Variants in ODAD2 observed in about 807,000 individuals in gnomAD.
ODAD2 encodes outer dynein arm-docking complex subunit 2.
Under a neutral mutation model 106.8 loss-of-function variants are expected in ODAD2, and 89 were observed. The observed-to-expected ratio is 0.83, with a 90% CI of 0.70 to 0.99. The LOEUF is 0.99. Ranked by LOEUF, ODAD2 falls within the 50% of genes least tolerant of loss-of-function variation. The probability of loss-of-function intolerance (pLI) is 0.00; values close to 1 mark genes in which losing one functional copy is unlikely to be tolerated. For missense variants in ODAD2, 1,168 were observed against 1,238.5 expected (o/e 0.94, Z 0.85); for synonymous variants, 404 against 436.2 (o/e 0.93, Z 0.92).
At chr10:27,998,642 G>T (rs71489606) in intron 1 of ODAD2, among the ~76,000 whole-genome samples, 3,406 of 152,052 alleles carry the variant, frequency 0.022, 65 homozygotes, top group Non-Finnish European at 0.03. Context: ...ATGGGGCTGG[G>T]AGAGAGAAGG....
chr10:27,962,400 T>C (rs994732814), intron 9 of ODAD2, among the ~76,000 whole-genome samples: 2 of 152,222 alleles, frequency 1.3e-5, no homozygotes, highest in Non-Finnish European at 2.9e-5. Context: ...ATATTGACTA[T>C]TTCTATTATT....
intron 12 of ODAD2, 93 bp downstream of exon 12, chr10:27,944,129 A>G: frequency 9.2e-7 from 1 of 1,088,526 alleles, no homozygotes; most frequent in South Asian, 1.4e-5. Flanking sequence ...TCTCATGGCT[A>G]TGGAATTTCC....
intron 6 of ODAD2, among the ~76,000 whole-genome samples, chr10:27,982,253 A>G (rs931594258): frequency 1.3e-5 from 2 of 152,142 alleles, no homozygotes; most frequent in African/African-American, 4.8e-5. Context: ...TGTATACACA[A>G]AAACATTTCT....
intron 12 of ODAD2, among the ~76,000 whole-genome samples, chr10:27,943,329 A>G (rs561190488): frequency 1.3e-5 from 2 of 152,274 alleles, no homozygotes; most frequent in South Asian, 4.1e-4. Flanking sequence ...AAAATCAGTC[A>G]ATTCAGAGAA....
intron 16 of ODAD2, among the ~76,000 whole-genome samples, chr10:27,924,031 A>AAAGAAAGG (rs1590035980): frequency 8.3e-6 from 1 of 120,894 alleles, no homozygotes; most frequent in South Asian, 3.0e-4. Flanking sequence ...AGAAGGAAAG[A>AAAGAAAGG]GAAAGAAAGA....
intron 10 of ODAD2, chr10:27,957,602 C>A (rs986317451): frequency 5.3e-5 from 8 of 152,034 alleles, no homozygotes; most frequent in African/African-American, 1.7e-4. Context: ...AGAAAAGAAG[C>A]TGGAAGGTTG....
intron 17 of ODAD2, among the ~76,000 whole-genome samples, chr10:27,888,182 G>C (rs576409394): frequency 2.0e-4 from 30 of 152,234 alleles, no homozygotes; most frequent in African/African-American, 5.8e-4. Context: ...ATACCCAGTA[G>C]TGGTATTGCC....
At chr10:27,864,339 G>C (rs1027552276) in intron 17 of ODAD2, among the ~76,000 whole-genome samples, 1 of 148,032 alleles carries the variant, frequency 6.8e-6, no homozygotes, top group African/African-American at 2.5e-5. Flanking sequence ...GACCTAATTT[G>C]AATGAAGTAC....
intron 10 of ODAD2, among the ~76,000 whole-genome samples, chr10:27,955,762 T>C (rs576919200): frequency 3.3e-5 from 5 of 149,780 alleles, no homozygotes; most frequent in African/African-American, 1.2e-4. Context: ...TTACATAAGA[T>C]CATTAAGGAA....
Position 27,981,453 on chromosome 10 carries a change from C to A in ODAD2, c.936+13G>T. 2 of 1,490,076 alleles carry A rather than the reference C, an allele frequency of 1.3e-6. No individual in the cohort carries two copies. The highest frequency in any genetic ancestry group is 1.4e-5 in the South Asian group (1 of 69,676). The allele number at this position is 1,490,076 out of a possible 1,614,324, so 92.3% of individuals were successfully genotyped here. A position where few individuals can be genotyped will look rare whatever the true frequency, so the allele number is the denominator to read the frequency against. On this transcript the variant is annotated intron_variant, in intron 7 of 19. Transcript: ENST00000305242. ...TAATGCTATGAAAGCTCAAAAGAAA[C>A]CATAAAACTTACCAATTTAGACATA...
chr10:27,903,666 G>A (rs1055217299), intron 17 of ODAD2, among the ~76,000 whole-genome samples: 1 of 152,164 alleles, frequency 6.6e-6, no homozygotes, highest in Non-Finnish European at 1.5e-5. Flanking sequence ...TAGACAAAGA[G>A]AGAGCCAAAT....
At chr10:27,949,296 G>A (rs1353124843) in intron 10 of ODAD2, among the ~76,000 whole-genome samples, 1 of 152,088 alleles carries the variant, frequency 6.6e-6, no homozygotes, top group Non-Finnish European at 1.5e-5. Context: ...TGTAGTGGAG[G>A]AAAAAGGTTT....
At chr10:27,922,687 T>C (rs1265282040) in intron 16 of ODAD2, among the ~76,000 whole-genome samples, 1 of 151,910 alleles carries the variant, frequency 6.6e-6, no homozygotes, top group Non-Finnish European at 1.5e-5. Context: ...GGGTGGATCA[T>C]TTGAGGTCAG....
chr10:27,988,048 C>A (rs1380130035), intron 2 of ODAD2, among the ~76,000 whole-genome samples: 2 of 150,412 alleles, frequency 1.3e-5, no homozygotes, highest in Admixed American at 1.3e-4. Flanking sequence ...TAGATCCTCT[C>A]TGAATTCCTT....
chr10:27,962,453 AAG>A (rs1278953501), intron 9 of ODAD2, among the ~76,000 whole-genome samples: 1 of 152,192 alleles, frequency 6.6e-6, no homozygotes, highest in African/African-American at 2.4e-5. Context: ...CCTAAAGTGA[AAG>A]AGTCTCTTTT....
Position 27,984,290 on chromosome 10 carries a change from T to A in ODAD2, c.576A>T (p.Leu192Phe). ...CCGTCATGGGACTTAAACTTATTTCTCTGAAATAAATGTTTAAAATGTCAG... is the reference window on the plus strand; with the variant it reads ...CCGTCATGGGACTTAAACTTATTTCACTGAAATAAATGTTTAAAATGTCAG... ...LLNHSLKHIS[L>F]EISLSPMTVK... The change falls in exon 5 of 20, where the codon TTA (leucine) becomes TTT (phenylalanine). Residue 192 changes from leucine to phenylalanine, a missense_variant and splice_region_variant. Physicochemically the swap from Leu to Phe is conservative, Grantham distance 22. Transcript: ENST00000305242. 1 of 1,590,104 alleles carries A rather than the reference T, an allele frequency of 6.3e-7. No individual in the cohort carries two copies. Among genetic ancestry groups the A allele is most frequent in the Non-Finnish European group, 8.6e-7 (1 of 1,158,836 alleles).
chr10:27,995,228 T>C (rs1850488893), intron 1 of ODAD2, 48 bp from the exon 2 acceptor site: 36 of 1,522,748 alleles, frequency 2.4e-5, no homozygotes, highest in South Asian at 1.7e-4. Flanking sequence ...CACCTTTTCC[T>C]TGGAACATTT....
intron 12 of ODAD2, 89 bp from the exon 13 acceptor site, chr10:27,940,894 C>T (rs1448460863): frequency 2.2e-6 from 3 of 1,336,248 alleles, no homozygotes; most frequent in Non-Finnish European, 3.1e-6. Flanking sequence ...CCTTACCAAG[C>T]TCACCTCCGT....
chr10:27,815,168 C>T (rs969614885), intron 19 of ODAD2, among the ~76,000 whole-genome samples: 3 of 152,198 alleles, frequency 2.0e-5, no homozygotes, highest in Non-Finnish European at 2.9e-5. Context: ...TACAATGGCT[C>T]TCTCCTATCC....
Sources: allele counts gnomAD v4.1 joint callset (sites outside exome capture counted in the v4.1 genomes callset), GRCh38; gene constraint gnomAD v4.1.1; transcripts MANE v1.5; gene names NCBI Gene and HGNC (gene_info 2026-07-23, HGNC 2026-07-21).